The following PEX7 variants were observed in gnomAD, a reference collection of about 807,000 sequenced individuals.
The protein encoded by PEX7 is PTS2 receptor.
In PEX7, 34 loss-of-function variants were observed where a neutral mutation model predicts 47.5. The ratio of observed to expected loss-of-function variants is 0.72; its 90% CI spans 0.54 to 0.95. The LOEUF is 0.95. Ranked by LOEUF, PEX7 falls within the 40% of genes least tolerant of loss-of-function variation. The pLI, the probability that PEX7 is intolerant of heterozygous loss-of-function variation, is 0.00. For missense variants in PEX7, 394 were observed against 400.3 expected, an observed-to-expected ratio of 0.98 and a Z score of 0.13; for synonymous variants, 141 against 148.8, an observed-to-expected ratio of 0.95 and a Z score of 0.38.
At chr6:136,906,969 C>A (rs770002268) in intron 9 of PEX7, among the ~76,000 whole-genome samples, 1 of 152,090 alleles carries the variant, frequency 6.6e-6, no homozygotes, top group African/African-American at 2.4e-5. Flanking sequence ...ATCCGTTTTC[C>A]TTTTTAATTT....
chr6:136,897,823 A>G (rs992620021), intron 8 of PEX7, among the ~76,000 whole-genome samples: 16 of 152,190 alleles, frequency 1.1e-4, no homozygotes, highest in African/African-American at 2.7e-4. Flanking sequence ...TATCATCTCA[A>G]TGTCCTTGTG....
chr6:136,883,076 A>G (rs946330330), intron 8 of PEX7, among the ~76,000 whole-genome samples: 4 of 152,134 alleles, frequency 2.6e-5, no homozygotes, highest in African/African-American at 4.8e-5. Context: ...ATGATTGATT[A>G]TGACTTCTTG....
chr6:136,904,685 T>C (rs1357190282), intron 9 of PEX7, among the ~76,000 whole-genome samples: 1 of 150,980 alleles, frequency 6.6e-6, no homozygotes, highest in Non-Finnish European at 1.5e-5. Flanking sequence ...GACATGCTCC[T>C]CCTTGTCTTC....
intron 3 of PEX7, among the ~76,000 whole-genome samples, chr6:136,837,327 A>G (rs971456949): frequency 6.8e-6 from 1 of 147,232 alleles, no homozygotes; most frequent in Admixed American, 6.8e-5. Flanking sequence ...GCGCCACTGC[A>G]CTCCAGCCTG....
chr6:136,896,387 A>G (rs1419641545), intron 8 of PEX7, among the ~76,000 whole-genome samples: 1 of 152,326 alleles, frequency 6.6e-6, no homozygotes, highest in Admixed American at 6.5e-5. Flanking sequence ...GGGTGATGCC[A>G]TTCACTCATA....
chr6:136,841,825 GTCC>G (rs1430382560), intron 3 of PEX7, among the ~76,000 whole-genome samples: 1 of 151,036 alleles, frequency 6.6e-6, no homozygotes, highest in Admixed American at 6.6e-5. Flanking sequence ...GCCTCAAGCG[GTCC>G]TCCTGCCTCG....
At chr6:136,897,620 G>A (rs1229906549) in intron 8 of PEX7, among the ~76,000 whole-genome samples, 2 of 152,140 alleles carry the variant, frequency 1.3e-5, no homozygotes, top group Non-Finnish European at 2.9e-5. Flanking sequence ...GAATTACAGA[G>A]ATTTTCATAA....
intron 8 of PEX7, among the ~76,000 whole-genome samples, chr6:136,878,017 C>A (rs991776586): frequency 2.6e-5 from 4 of 152,176 alleles, no homozygotes; most frequent in African/African-American, 9.7e-5. Context: ...AGAGGTCCTT[C>A]ACATCCCTTG....
Position 136,822,608 on chromosome 6 carries a change from C to T in PEX7, c.-58C>T, listed in dbSNP as rs1349128724. 1 of 1,477,388 alleles carries T rather than the reference C, an allele frequency of 6.8e-7. No homozygotes were observed. Among genetic ancestry groups the T allele is most frequent in the Non-Finnish European group, 9.1e-7 (1 of 1,098,068 alleles). The allele number at this position is 1,477,388 out of a possible 1,614,324, so 91.5% of individuals were successfully genotyped here. ...GGTCTCTCTAACCGCGCCAGTGTGC[C>T]TCCGACTCGGAACGGCTTCCGCGGC... is the stretch of plus-strand genomic sequence containing the variant. On this transcript the variant is annotated 5_prime_UTR_variant, in exon 1 of 10. Transcript: ENST00000318471.
intron 8 of PEX7, among the ~76,000 whole-genome samples, chr6:136,875,864 T>C (rs777830012): frequency 1.3e-5 from 2 of 152,192 alleles, no homozygotes; most frequent in African/African-American, 2.4e-5. Flanking sequence ...TTATGGTGAA[T>C]TGAGACTTTT....
chr6:136,898,788 G>T (rs1775698086), intron 9 of PEX7, among the ~76,000 whole-genome samples: 2 of 151,818 alleles, frequency 1.3e-5, no homozygotes, highest in Admixed American at 1.3e-4. Flanking sequence ...TAGACACTTT[G>T]GACTTTAAAT....
rs1775740249 is a variant in PEX7, at chr6:136,900,770, G to C, written c.903+2529G>C. ...GTGTTAACCCCAGCTTGAAGGACAGGTGGTCTCTTAGTGGGGACATCCCCT... is the reference window on the plus strand; with the variant it reads ...GTGTTAACCCCAGCTTGAAGGACAGCTGGTCTCTTAGTGGGGACATCCCCT... On this transcript the variant is annotated intron_variant, in intron 9 of 9. Transcript: ENST00000318471. The surrounding 1 kb of genome is among the most constrained non-coding windows in gnomAD (Gnocchi z 4.2). The C allele has an allele frequency of 5.9e-6, 2 of 338,412 alleles. No homozygotes were observed. Among genetic ancestry groups the C allele is most frequent in the Non-Finnish European group, 1.1e-5 (2 of 176,840 alleles). The allele number at this position is 338,412 out of a possible 1,614,324, so 21.0% of individuals were successfully genotyped here. A position where few individuals can be genotyped will look rare whatever the true frequency, so the allele number is the denominator to read the frequency against.
intron 5 of PEX7, chr6:136,855,566 C>T (rs1283414489): frequency 5.8e-6 from 1 of 171,926 alleles, no homozygotes; most frequent in Non-Finnish European, 1.2e-5. Flanking sequence ...TCTCAAGCTC[C>T]TGACCTCAGG....
intron 3 of PEX7, among the ~76,000 whole-genome samples, chr6:136,827,560 C>T (rs1037269759): frequency 8.1e-5 from 12 of 148,554 alleles, no homozygotes; most frequent in Admixed American, 6.7e-5. Flanking sequence ...CAGGGTCTCA[C>T]TCTGTTGCCC....
Position 136,900,641 on chromosome 6 carries a change from T to A in PEX7, c.903+2400T>A, listed in dbSNP as rs1775737163. 2 of 334,550 alleles carry A rather than the reference T, an allele frequency of 6.0e-6. No homozygotes were observed. Among genetic ancestry groups the A allele is most frequent in the Non-Finnish European group, 1.2e-5 (2 of 171,922 alleles). The allele number at this position is 334,550 out of a possible 1,614,324, so 20.7% of individuals were successfully genotyped here. ...TTGACAGCGCAGTCAGGGACCCCCA[T>A]TTTATGAGACAGGGCAGGCAGGAAG... On this transcript the variant is annotated intron_variant, in intron 9 of 9. Transcript: ENST00000318471. This position sits in a 1 kb window ranked among gnomAD's most constrained non-coding sequence, Gnocchi z 4.2.
chr6:136,907,481 CTG>C (rs959106640), intron 9 of PEX7, among the ~76,000 whole-genome samples: 2 of 149,400 alleles, frequency 1.3e-5, no homozygotes. Flanking sequence ...GTAGAGTTAA[CTG>C]TGATTTTTTT....
At position 136,831,383 on chromosome 6, in the gene PEX7, C is replaced by T. The variant is rs576962852; in HGVS notation, c.339+4914C>T. 6.6e-5 allele frequency among the ~76,000 whole-genome samples: 10 copies of T among 152,272 alleles called. 1 individual carries two copies. The highest frequency in any genetic ancestry group is 1.7e-4 in the African/African-American group (7 of 41,562). On this transcript the variant is annotated intron_variant, in intron 3 of 9. Transcript: ENST00000318471. Reference sequence around the variant, plus strand: ...CCCCCATGATCCGATCACTTCCTACCGGGTTCCTCCCTGGACACATGGGGA... The same window carrying T: ...CCCCCATGATCCGATCACTTCCTACTGGGTTCCTCCCTGGACACATGGGGA...
intron 3 of PEX7, among the ~76,000 whole-genome samples, chr6:136,827,911 T>C (rs1774226148): frequency 1.3e-5 from 2 of 152,226 alleles, no homozygotes; most frequent in South Asian, 4.1e-4. Context: ...AGGCTAGTTT[T>C]TGTGATGTTT....
At chr6:136,861,251 A>G (rs1184306724) in intron 5 of PEX7, among the ~76,000 whole-genome samples, 1 of 151,874 alleles carries the variant, frequency 6.6e-6, no homozygotes, top group Non-Finnish European at 1.5e-5. Context: ...AGCCCGACTA[A>G]TTTTTGTATT....
Sources: allele counts gnomAD v4.1 joint callset (sites outside exome capture counted in the v4.1 genomes callset), GRCh38; gene constraint gnomAD v4.1.1; non-coding constraint Gnocchi (gnomAD v3.1); transcripts MANE v1.5; gene names NCBI Gene and HGNC (gene_info 2026-07-23, HGNC 2026-07-21).